RAF1: variants seen among roughly 807,000 people sequenced by gnomAD.
RAF1 encodes the protein RAF proto-oncogene serine/threonine-protein kinase.
A neutral mutation model predicts 81.1 loss-of-function variants in RAF1; 27 were observed. That is an observed-to-expected ratio of 0.33 (90% CI 0.25 to 0.46). The LOEUF is 0.46. Ranked by LOEUF, RAF1 falls within the 20% of genes least tolerant of loss-of-function variation. The pLI is 1.00. For synonymous variants in RAF1, 298 were observed against 294.0 expected (o/e 1.01, Z -0.14); for missense variants, 598 against 826.0 (o/e 0.72, Z 3.38).
Position 12,584,120 on chromosome 3 carries a change from T to G in RAF1, c.*394A>C, listed in dbSNP as rs1015129442. ...TGACATGCATTCCTCCAGAAGCTGA[T>G]TTCCAAAATCCCATGTGTCTCCACA... On this transcript the variant is annotated 3_prime_UTR_variant, in exon 18 of 18. Transcript: ENST00000442415. 3.0e-6 allele frequency: 1 copy of G among 328,546 alleles called. No homozygotes were observed. Among genetic ancestry groups the G allele is most frequent in the Admixed American group, 4.4e-5 (1 of 22,732 alleles). 20.4% of individuals were successfully genotyped at this position (328,546 alleles called of 1,614,324 possible).
intron 11 of RAF1, among the ~76,000 whole-genome samples, chr3:12,592,637 T>C (rs2058552712): frequency 6.6e-6 from 1 of 151,936 alleles, no homozygotes; most frequent in South Asian, 2.1e-4. Context: ...CACTGACAAC[T>C]GATTGTCAAG....
intron 11 of RAF1, chr3:12,599,000 A>G (rs961769520): frequency 6.6e-6 from 1 of 152,418 alleles, no homozygotes; most frequent in African/African-American, 2.4e-5. Context: ...ATTATTTCCC[A>G]AAGTCCTAAA....
chr3:12,592,369 C>A (rs557911134), intron 11 of RAF1, among the ~76,000 whole-genome samples: 16 of 152,282 alleles, frequency 1.1e-4, no homozygotes, highest in Middle Eastern at 3.4e-3. Flanking sequence ...AGTAAAAATT[C>A]AGAGATATAT....
intron 1 of RAF1, among the ~76,000 whole-genome samples, chr3:12,624,773 G>A (rs2059649380): frequency 6.6e-6 from 1 of 151,810 alleles, no homozygotes; most frequent in Non-Finnish European, 1.5e-5. Flanking sequence ...AGACCAAGGT[G>A]GATGGATCAC....
At chr3:12,597,100 G>A (rs1034559500) in intron 11 of RAF1, among the ~76,000 whole-genome samples, 10 of 151,948 alleles carry the variant, frequency 6.6e-5, no homozygotes, top group African/African-American at 1.5e-4. Context: ...GGGTTTCACC[G>A]TGTTAGCCAG....
At chr3:12,662,338 TAA>T (rs61275660) in intron 1 of RAF1, among the ~76,000 whole-genome samples, 104 of 100,780 alleles carry the variant, frequency 1.0e-3, no homozygotes, top group African/African-American at 1.5e-3. Context: ...CCTGTTCCTT[TAA>T]AAAAAAAAAA....
intron 1 of RAF1, among the ~76,000 whole-genome samples, chr3:12,646,058 A>T (rs1186497378): frequency 1.3e-5 from 2 of 152,248 alleles, no homozygotes; most frequent in African/African-American, 4.8e-5. Context: ...TCATTAGAGC[A>T]GTCATATTCT....
intron 1 of RAF1, among the ~76,000 whole-genome samples, chr3:12,657,726 G>A (rs1262776134): frequency 6.6e-6 from 1 of 151,158 alleles, no homozygotes; most frequent in Non-Finnish European, 1.5e-5. Context: ...CTGAGATTGT[G>A]CACCACTGCA....
intron 1 of RAF1, among the ~76,000 whole-genome samples, chr3:12,647,283 G>T (rs191027318): frequency 2.4e-5 from 3 of 127,198 alleles, no homozygotes; most frequent in African/African-American, 9.2e-5. Flanking sequence ...GCGACAGAGC[G>T]AGACTCCATC....
chr3:12,592,162 T>C (rs906617837), intron 11 of RAF1: 1 of 352,270 alleles, frequency 2.8e-6, no homozygotes. Context: ...ACACCAACCC[T>C]GGCAAGCCAC....
In RAF1 at chr3:12,618,669, T is replaced by C. The variant is rs150944421; in HGVS notation, c.53A>G (p.Lys18Arg). The C allele has an allele frequency of 9.9e-6, 16 of 1,614,240 alleles. No homozygotes were observed. The African/African-American group carries it at 1.6e-4, about 16-fold the overall frequency. ...GCTGGAGCCATCAAACACGGCATCT[T>C]TGAATCCAAAACCATTGCTGATCGT... Residue 18 changes from lysine (K) to arginine (R), a missense_variant, in exon 2 of 18, where the codon AAA becomes AGA. Transcript: ENST00000442415.
chr3:12,658,560 C>T (rs566099918), intron 1 of RAF1, among the ~76,000 whole-genome samples: 3 of 152,272 alleles, frequency 2.0e-5, no homozygotes, highest in Admixed American at 2.0e-4. Flanking sequence ...AAAGATCATG[C>T]CACTGCACTC....
intron 4 of RAF1, 30 bp from the exon 5 acceptor site, chr3:12,608,953 C>T (rs755561924): frequency 4.3e-5 from 69 of 1,613,010 alleles, no homozygotes; most frequent in Non-Finnish European, 5.8e-5. Flanking sequence ...GTAAATTATG[C>T]TGAATAAATA....
rs568610043 is a variant in RAF1, at chr3:12,603,280, C to A, written c.894+198G>T. Reference sequence around the variant, plus strand: ...TTTCACCTATCATCAATACCACATACAACATTTTTTTTACTTCTATATACT... The same window carrying A: ...TTTCACCTATCATCAATACCACATAAAACATTTTTTTTACTTCTATATACT... On this transcript the variant is annotated intron_variant, in intron 8 of 17. Transcript: ENST00000442415. Among the ~76,000 whole-genome samples, 9 of 152,130 alleles carry A rather than the reference C, an allele frequency of 5.9e-5. No individual in the cohort carries two copies. The South Asian group carries it at 1.9e-3, about 32-fold the overall frequency.
At chr3:12,598,247 G>A (rs1489827467) in intron 11 of RAF1, among the ~76,000 whole-genome samples, 2 of 152,030 alleles carry the variant, frequency 1.3e-5, no homozygotes, top group African/African-American at 4.8e-5. Context: ...CTAGGCTCAA[G>A]TGTTCTGCCT....
intron 2 of RAF1, among the ~76,000 whole-genome samples, chr3:12,613,222 CAG>C (rs2059270665): frequency 6.6e-6 from 1 of 152,156 alleles, no homozygotes; most frequent in South Asian, 2.1e-4. Flanking sequence ...ATGAAAATTT[CAG>C]AGTTTTGATA....
At chr3:12,585,559 G>C in intron 15 of RAF1, 122 bp downstream of exon 14, 1 of 1,321,806 alleles carries the variant, frequency 7.6e-7, no homozygotes, top group Non-Finnish European at 1.1e-6. Context: ...GAGGCTGGCT[G>C]TCACTAGGGG....
intron 11 of RAF1, among the ~76,000 whole-genome samples, chr3:12,594,828 G>C (rs1041282045): frequency 6.6e-6 from 1 of 152,136 alleles, no homozygotes; most frequent in Non-Finnish European, 1.5e-5. Context: ...GTCAACCAAA[G>C]ACAGTGCCCA....
At chr3:12,641,536 G>A (rs1234562747) in intron 1 of RAF1, among the ~76,000 whole-genome samples, 1 of 144,712 alleles carries the variant, frequency 6.9e-6, no homozygotes, top group Non-Finnish European at 1.5e-5. Flanking sequence ...CTGTCACCCA[G>A]GCTAAAGTGT....
Sources: allele counts gnomAD v4.1 joint callset (sites outside exome capture counted in the v4.1 genomes callset), GRCh38; gene constraint gnomAD v4.1.1; transcripts MANE v1.5; gene names NCBI Gene and HGNC (gene_info 2026-07-23, HGNC 2026-07-21).